The following ZNF330 variants were observed in gnomAD, a reference collection of about 807,000 sequenced individuals.
ZNF330 encodes the protein nucleolar atypical zinc finger, also known as zinc finger protein 330.
A neutral mutation model predicts 45.5 loss-of-function variants in ZNF330; 31 were observed. The observed-to-expected ratio is 0.68, with a 90% CI of 0.51 to 0.92. The LOEUF is 0.92. Among genes scored for constraint, ZNF330 ranks in the 40% least tolerant of loss-of-function variants. The probability of loss-of-function intolerance (pLI) is 0.00; values close to 1 mark genes in which losing one functional copy is unlikely to be tolerated. For missense variants in ZNF330, 356 were observed against 387.4 expected (o/e 0.92, Z 0.68); for synonymous variants, 138 against 123.2 (o/e 1.12, Z -0.79).
intron 5 of ZNF330, among the ~76,000 whole-genome samples, chr4:141,227,680 C>A (rs1728845114): frequency 6.6e-6 from 1 of 152,052 alleles, no homozygotes; most frequent in Admixed American, 6.6e-5. Flanking sequence ...TATCTCTTAA[C>A]CAGACTTCAC....
intron 4 of ZNF330, 136 bp downstream of exon 4, chr4:141,224,813 A>C: frequency 1.4e-6 from 1 of 706,568 alleles, no homozygotes; most frequent in South Asian, 2.2e-5. Flanking sequence ...TAACAAAATA[A>C]CAAAACATGT....
In ZNF330 at chr4:141,228,502, C is replaced by A. The variant is rs1274228608; in HGVS notation, c.292-1069C>A. Reference sequence around the variant, plus strand: ...TTGGTTTTATCCTTTCTCTAAGGACCACAGTTCTCCCTATATGGCCAGGTA... The same window carrying A: ...TTGGTTTTATCCTTTCTCTAAGGACAACAGTTCTCCCTATATGGCCAGGTA... On this transcript the variant is annotated intron_variant, in intron 5 of 9. Transcript: ENST00000262990. Among the ~76,000 whole-genome samples the A allele has an allele frequency of 2.0e-5, 3 of 152,016 alleles. No homozygotes were observed. The East Asian group carries it at 5.8e-4, about 29-fold the overall frequency.
At chr4:141,231,313 A>G (rs1054607554) in intron 7 of ZNF330, 126 bp from the exon 8 acceptor site, 4 of 624,704 alleles carry the variant, frequency 6.4e-6, no homozygotes, top group Non-Finnish European at 1.0e-5. Context: ...TAGCATTTGA[A>G]CCCAAAAGAC....
chr4:141,231,374 T>C, intron 7 of ZNF330, 65 bp from the exon 8 acceptor site: 1 of 1,475,340 alleles, frequency 6.8e-7, no homozygotes, highest in Non-Finnish European at 9.2e-7. Context: ...AGTGATTTGA[T>C]AAAAGACAAA....
intron 5 of ZNF330, among the ~76,000 whole-genome samples, chr4:141,228,198 A>T (rs569486538): frequency 6.6e-6 from 1 of 152,230 alleles, no homozygotes; most frequent in East Asian, 1.9e-4. Flanking sequence ...TAAGTATAGG[A>T]TTGTCAAGTT....
rs4956359 is a variant in ZNF330 at position 141,231,876 on chromosome 4, T to C, written c.570+391T>C. 7.5e-3 allele frequency among the ~76,000 whole-genome samples: 1,139 copies of C among 152,236 alleles called. 7 individuals are homozygous for C. Among genetic ancestry groups the C allele is most frequent in the Middle Eastern group, 0.034 (10 of 294 alleles). ...TCTCTAGCATTCGTTCGTCAAAGAT[T>C]ACTAAACAGATGCAGCCAATGCCCT... On this transcript the variant is annotated intron_variant, in intron 8 of 9. Transcript: ENST00000262990.
rs368908764 is a variant in ZNF330 at position 141,224,918 on chromosome 4, A to G, written c.211+241A>G. ...GGTACAATTTAGATACAGGTTACCA[A>G]TAAGTGTTTTTAAACAGTGAAAGAT... is the stretch of plus-strand genomic sequence containing the variant. On this transcript the variant is annotated intron_variant, in intron 4 of 9. Transcript: ENST00000262990. 2.8e-3 allele frequency among the ~76,000 whole-genome samples: 424 copies of G among 152,302 alleles called. No individual in the cohort carries two copies. The highest frequency in any genetic ancestry group is 4.9e-3 in the Non-Finnish European group (334 of 67,984).
chr4:141,223,711 T>C (rs1290167540), intron 2 of ZNF330: 1 of 444,054 alleles, frequency 2.3e-6, no homozygotes, highest in Non-Finnish European at 4.4e-6. Flanking sequence ...TGCCTAAATA[T>C]ATATAATGAC....
At chr4:141,232,257 G>T (rs1728977880) in intron 8 of ZNF330, among the ~76,000 whole-genome samples, 1 of 151,948 alleles carries the variant, frequency 6.6e-6, no homozygotes, top group Non-Finnish European at 1.5e-5. Flanking sequence ...TTTCATCAGG[G>T]ACCTTATGAG....
chr4:141,233,872 GGAA>G lies in ZNF330; in HGVS notation c.852_854del (p.Glu284del), dbSNP rs768007790. The G allele has an allele frequency of 1.2e-5, 20 of 1,613,690 alleles. No individual in the cohort carries two copies. The South Asian group carries it at 2.2e-4, about 18-fold the overall frequency. On this transcript the variant is annotated inframe_deletion, in exon 10 of 10. Transcript: ENST00000262990. Reference sequence around the variant, plus strand: ...AGTATGAAGCAGAGGATGATGAAGAGGAAGAAGATGAAGGCAGAAAGGATTCAG... The same window carrying G: ...AGTATGAAGCAGAGGATGATGAAGAGGAAGATGAAGGCAGAAAGGATTCAG...
In ZNF330 at chr4:141,221,917, T is replaced by A. The variant is rs141477128; in HGVS notation, c.-6-449T>A. 2.3e-4 allele frequency among the ~76,000 whole-genome samples: 35 copies of A among 152,328 alleles called. No homozygotes were observed. In the East Asian group the frequency reaches 6.7e-3, roughly 29 times the overall value. ...TACATAGGAAAAATTAAACTTGTTA[T>A]ACTTAAGGTGTTGGCAGCGTCAGGT... On this transcript the variant is annotated intron_variant, in intron 1 of 9. Transcript: ENST00000262990.
intron 2 of ZNF330, among the ~76,000 whole-genome samples, 155 bp from the exon 3 acceptor site, chr4:141,224,332 G>A (rs1728750167): frequency 6.6e-6 from 1 of 152,114 alleles, no homozygotes; most frequent in African/African-American, 2.4e-5. Flanking sequence ...GTTATTTTAA[G>A]CATGGGTAGG....
At chr4:141,231,652 A>G (rs760685805) in intron 8 of ZNF330, among the ~76,000 whole-genome samples, 167 bp downstream of exon 8, 26 of 152,118 alleles carry the variant, frequency 1.7e-4, no homozygotes, top group Non-Finnish European at 2.8e-4. Flanking sequence ...GAAAGCTTAC[A>G]TGACTTTCCA....
rs774410743 is a variant in ZNF330, at chr4:141,233,793, A to G, written c.767A>G (p.Asn256Ser). The G allele has an allele frequency of 1.9e-6, 3 of 1,613,628 alleles. No individual in the cohort carries two copies. In the Admixed American group the frequency reaches 5.0e-5, roughly 27 times the overall value. Reference sequence around the variant, plus strand: ...TCTGGGTATGATGCTTATTGGAAGAACCTTTCATCTGATAAGTATGGTGAT... The same window carrying G: ...TCTGGGTATGATGCTTATTGGAAGAGCCTTTCATCTGATAAGTATGGTGAT... ...GASGYDAYWK[N>S]LSSDKYGDTS... The change falls in exon 10 of 10, where the codon AAC becomes AGC. Residue 256 changes from asparagine (N) to serine (S), a missense_variant. Coordinates refer to ENST00000262990, the MANE Select transcript of ZNF330 (RefSeq NM_014487.6).
chr4:141,226,709 T>G, intron 4 of ZNF330, 58 bp from the exon 5 acceptor site: 4 of 1,340,680 alleles, frequency 3.0e-6, no homozygotes, highest in Non-Finnish European at 4.2e-6. Flanking sequence ...GAGGAATTCG[T>G]GAGTACTGGT....
At chr4:141,230,062 T>C in intron 6 of ZNF330, 104 bp from the exon 7 acceptor site, 1 of 809,446 alleles carries the variant, frequency 1.2e-6, no homozygotes, top group Non-Finnish European at 1.9e-6. Context: ...AATTTTGGTG[T>C]ATCTCCAAAG....
intron 5 of ZNF330, among the ~76,000 whole-genome samples, chr4:141,227,843 A>T (rs921069318): frequency 1.3e-5 from 2 of 152,138 alleles, no homozygotes; most frequent in Non-Finnish European, 2.9e-5. Context: ...CCTCTTCATT[A>T]CATATAGGAT....
chr4:141,229,745 A>G, intron 6 of ZNF330, 48 bp downstream of exon 6: 1 of 1,608,996 alleles, frequency 6.2e-7, no homozygotes, highest in Non-Finnish European at 8.5e-7. Flanking sequence ...GTGAATGTTG[A>G]CTTTGAAACA....
At chr4:141,233,676 G>T in intron 9 of ZNF330, 39 bp from the exon 10 acceptor site, 1 of 1,569,668 alleles carries the variant, frequency 6.4e-7, no homozygotes, top group South Asian at 1.2e-5. Context: ...TAGAGAACTG[G>T]AACTAACAAA....
Sources: allele counts gnomAD v4.1 joint callset (sites outside exome capture counted in the v4.1 genomes callset), GRCh38; gene constraint gnomAD v4.1.1; transcripts MANE v1.5; gene names NCBI Gene and HGNC (gene_info 2026-07-23, HGNC 2026-07-21).